The following MARK3 variants were observed in gnomAD, a reference collection of about 807,000 sequenced individuals.
MARK3 encodes the protein MAP/microtubule affinity-regulating kinase 3.
A neutral mutation model predicts 90.1 loss-of-function variants in MARK3; 46 were observed. That is an observed-to-expected ratio of 0.51 (90% CI 0.40 to 0.65). The LOEUF (loss-of-function observed/expected upper bound fraction) is 0.65, where lower values mean the gene tolerates loss of function less well. MARK3 is among the 30% of genes least tolerant of loss of function. The pLI is 0.00. For synonymous variants in MARK3, 321 were observed against 332.6 expected, an observed-to-expected ratio of 0.97 and a Z score of 0.38; for missense variants, 818 against 947.2, an observed-to-expected ratio of 0.86 and a Z score of 1.79.
At chr14:103,491,210 A>G in intron 14 of MARK3, 1 of 860,594 alleles carries the variant, frequency 1.2e-6, no homozygotes, top group Non-Finnish European at 1.5e-6. Flanking sequence ...GTTGTCCACA[A>G]GGCGTCCTTC....
At chr14:103,476,382 A>T (rs1353065658) in intron 13 of MARK3, among the ~76,000 whole-genome samples, 1 of 152,182 alleles carries the variant, frequency 6.6e-6, no homozygotes, top group Admixed American at 6.5e-5. Context: ...GACCATGCTC[A>T]GTGCTTTTTC....
intron 2 of MARK3, among the ~76,000 whole-genome samples, chr14:103,423,601 CCA>C (rs1324994135): frequency 6.6e-6 from 1 of 152,154 alleles, no homozygotes; most frequent in Non-Finnish European, 1.5e-5. Flanking sequence ...ACCCCAGTTA[CCA>C]CCTCTTTTGG....
At chr14:103,442,387 A>G (rs1595698539) in intron 3 of MARK3, among the ~76,000 whole-genome samples, 1 of 151,376 alleles carries the variant, frequency 6.6e-6, no homozygotes, top group South Asian at 2.1e-4. Flanking sequence ...AAAAAATAAC[A>G]GCACTTCCAT....
At chr14:103,389,588 ATTTGTTTTTG>A (rs2090081735) in intron 1 of MARK3, among the ~76,000 whole-genome samples, 2 of 220 alleles carry the variant, frequency 9.1e-3, no homozygotes, top group Non-Finnish European at 0.02. Flanking sequence ...TTGTACACTA[ATTTGTTTTTG>A]TTTGTTTGAT....
At chr14:103,451,785 A>AT (rs2093152140) in intron 4 of MARK3, 133 bp from the exon 5 acceptor site, 1 of 622,216 alleles carries the variant, frequency 1.6e-6, no homozygotes, top group Admixed American at 2.8e-5. Context: ...CCCTAAAAGC[A>AT]TTTTTTAGAG....
At chr14:103,493,195 C>T (rs1265097648) in intron 15 of MARK3, among the ~76,000 whole-genome samples, 2 of 145,360 alleles carry the variant, frequency 1.4e-5, no homozygotes, top group African/African-American at 2.5e-5. Flanking sequence ...ACATTAAAGT[C>T]TGATCTACTT....
chr14:103,424,833 T>A (rs2092347688), intron 2 of MARK3, among the ~76,000 whole-genome samples: 1 of 152,184 alleles, frequency 6.6e-6, no homozygotes, highest in African/African-American at 2.4e-5. Context: ...CGACTTTGAT[T>A]TATATAATTT....
intron 13 of MARK3, among the ~76,000 whole-genome samples, chr14:103,477,204 A>G (rs982270058): frequency 2.0e-5 from 3 of 152,180 alleles, no homozygotes; most frequent in Non-Finnish European, 2.9e-5. Context: ...AAAATTCCAT[A>G]GCTATGGCCA....
chr14:103,424,164 C>T (rs965193645), intron 2 of MARK3, among the ~76,000 whole-genome samples: 2 of 151,856 alleles, frequency 1.3e-5, no homozygotes, highest in East Asian at 1.9e-4. Flanking sequence ...GAGCCAAGAT[C>T]ACGCCACTGC....
At chr14:103,431,130 C>T (rs950667324) in intron 3 of MARK3, among the ~76,000 whole-genome samples, 1 of 152,122 alleles carries the variant, frequency 6.6e-6, no homozygotes, top group Non-Finnish European at 1.5e-5. Flanking sequence ...CTCTGTTGCC[C>T]AGGCTGGAGT....
intron 1 of MARK3, among the ~76,000 whole-genome samples, chr14:103,393,516 G>T (rs1056092350): frequency 6.6e-6 from 1 of 152,096 alleles, no homozygotes; most frequent in African/African-American, 2.4e-5. Flanking sequence ...CAGTTTTCAG[G>T]GAAAGATCTT....
chr14:103,460,653 GGGCA>G (rs2093383664), intron 6 of MARK3, among the ~76,000 whole-genome samples: 1 of 152,104 alleles, frequency 6.6e-6, no homozygotes, highest in African/African-American at 2.4e-5. Flanking sequence ...CTTTGAGAAA[GGGCA>G]GGAAATCAAA....
At chr14:103,490,426 T>TA (rs1480263063) in intron 14 of MARK3, 9 of 152,304 alleles carry the variant, frequency 5.9e-5, no homozygotes, top group African/African-American at 1.9e-4. Flanking sequence ...GGCTCACACT[T>TA]ATAATCCCAA....
At chr14:103,494,573 A>G (rs1459433528) in intron 15 of MARK3, among the ~76,000 whole-genome samples, 1 of 149,322 alleles carries the variant, frequency 6.7e-6, no homozygotes, top group Non-Finnish European at 1.5e-5. Context: ...AAAGACTAGC[A>G]TTGATTTTAT....
chr14:103,459,231 A>G (rs916421643), intron 6 of MARK3, among the ~76,000 whole-genome samples: 2 of 152,258 alleles, frequency 1.3e-5, no homozygotes, highest in African/African-American at 4.8e-5. Context: ...TCACCCAGCA[A>G]GAGCTTACTA....
At chr14:103,386,780 C>T (rs1329077075) in intron 1 of MARK3, among the ~76,000 whole-genome samples, 1 of 152,240 alleles carries the variant, frequency 6.6e-6, no homozygotes, top group Non-Finnish European at 1.5e-5. Context: ...CTTCGCTGTC[C>T]TCCTTCCTAA....
At chr14:103,484,183 T>TC (rs2093879924) in intron 14 of MARK3, among the ~76,000 whole-genome samples, 1 of 151,724 alleles carries the variant, frequency 6.6e-6, no homozygotes, top group Non-Finnish European at 1.5e-5. Flanking sequence ...TTTCTTTTTT[T>TC]CTTTTTTTTT....
chr14:103,449,597 C>T (rs2093082513), intron 4 of MARK3, among the ~76,000 whole-genome samples: 1 of 151,924 alleles, frequency 6.6e-6, no homozygotes, highest in Admixed American at 6.6e-5. Flanking sequence ...TTTTCTGTGT[C>T]CTCTGTGTGC....
At chr14:103,488,434 A>C (rs533982781) in intron 14 of MARK3, among the ~76,000 whole-genome samples, 2 of 152,232 alleles carry the variant, frequency 1.3e-5, no homozygotes, top group Non-Finnish European at 2.9e-5. Context: ...GCAGGAAAAG[A>C]ATGGATACTG....
Sources: gnomAD v4.1 joint callset for allele counts (sites outside exome capture counted in the v4.1 genomes callset) on GRCh38, gnomAD v4.1.1 for gene constraint, MANE v1.5 for transcripts, NCBI Gene and HGNC (gene_info 2026-07-23, HGNC 2026-07-21) for gene names.